Variants in JAK2 observed in about 807,000 individuals in gnomAD.
JAK2 encodes the protein Janus kinase 2.
Under a neutral mutation model 139.3 loss-of-function variants are expected in JAK2, and 86 were observed. The ratio of observed to expected loss-of-function variants is 0.62; its 90% CI spans 0.52 to 0.74. The LOEUF (loss-of-function observed/expected upper bound fraction) is 0.74, where lower values mean the gene tolerates loss of function less well. JAK2 is among the 30% of genes least tolerant of loss of function. The pLI is 0.00. For synonymous variants in JAK2, 490 were observed against 437.7 expected (o/e 1.12, Z -1.49); for missense variants, 1,421 against 1,360.3 (o/e 1.04, Z -0.70).
chr9:5,110,530 T>G (rs1248496914), intron 22 of JAK2: 1 of 156,714 alleles, frequency 6.4e-6, no homozygotes, highest in Non-Finnish European at 1.4e-5. Context: ...GAACAAGATA[T>G]TTGAAAAATA....
intron 4 of JAK2, among the ~76,000 whole-genome samples, chr9:5,042,994 G>A (rs913503615): frequency 6.6e-6 from 1 of 152,218 alleles, no homozygotes; most frequent in African/African-American, 2.4e-5. Flanking sequence ...GAGGGGGGTG[G>A]GCCGGCTGGC....
chr9:5,007,079 G>A (rs1460472341), intron 2 of JAK2, among the ~76,000 whole-genome samples: 1 of 151,894 alleles, frequency 6.6e-6, no homozygotes, highest in East Asian at 1.9e-4. Flanking sequence ...AAAAGCCAAC[G>A]TTTTACTTTG....
rs75164228 is a variant in JAK2 at position 5,053,817 on chromosome 9, G to T, written c.615-746G>T. 6.5e-3 allele frequency among the ~76,000 whole-genome samples: 990 copies of T among 152,054 alleles called. 7 individuals are homozygous for T. Among genetic ancestry groups the T allele is most frequent in the African/African-American group, 0.022 (908 of 41,520 alleles). On this transcript the variant is annotated intron_variant, in intron 6 of 24. Coordinates refer to ENST00000381652, the MANE Select transcript of JAK2 (RefSeq NM_004972.4). ...ATGCCACAGAATGAGGTCCAGAAAG[G>T]CTTCCTGGATTAGATGGTACTTGAG...
chr9:5,003,074 C>T (rs993476929), intron 2 of JAK2, among the ~76,000 whole-genome samples: 1 of 151,950 alleles, frequency 6.6e-6, no homozygotes, highest in African/African-American at 2.4e-5. Context: ...GGACTCTATT[C>T]TGTTCCATTT....
intron 5 of JAK2, 31 bp from the exon 6 acceptor site, chr9:5,050,655 T>C: frequency 6.3e-7 from 1 of 1,589,148 alleles, no homozygotes; most frequent in Non-Finnish European, 8.6e-7. Context: ...AAACTTACGA[T>C]GAGATATTTC....
chr9:4,989,301 T>C (rs559329644), intron 2 of JAK2, among the ~76,000 whole-genome samples: 11 of 152,354 alleles, frequency 7.2e-5, no homozygotes, highest in South Asian at 2.1e-4. Flanking sequence ...CTCTTTTTTT[T>C]CCTCTATTTC....
Position 5,044,449 on chromosome 9 carries a change from C to T in JAK2, c.397C>T (p.Arg133Trp), listed in dbSNP as rs371826393. Residue 133 changes from arginine to tryptophan, a missense_variant, in exon 5 of 25, where the codon CGG becomes TGG. Physicochemically the swap from Arg to Trp is moderately radical, Grantham distance 101. Coordinates refer to ENST00000381652, the MANE Select transcript of JAK2 (RefSeq NM_004972.4). ...WYCSGSNRAY[R>W]HGISRGAEAP... ...TTGCAGTGGCAGCAACAGAGCCTAT[C>T]GGCATGGAATATCTCGAGGTGCTGA... is the stretch of plus-strand genomic sequence containing the variant. 10 of 1,613,072 alleles carry T rather than the reference C, an allele frequency of 6.2e-6. No homozygotes were observed. The highest frequency in any genetic ancestry group is 7.6e-6 in the Non-Finnish European group (9 of 1,179,486).
chr9:5,129,624 G>A lies in JAK2; in HGVS notation c.*2833G>A, dbSNP rs889358809. On this transcript the variant is annotated 3_prime_UTR_variant, in exon 25 of 25. Transcript: ENST00000381652. ...AGACTAGGTTTTATGAGATAAGCTT[G>A]ATTTAAGAAAAAAACAATTAAAGTA... is the stretch of plus-strand genomic sequence containing the variant. Among the ~76,000 whole-genome samples, 2 of 152,052 alleles carry A rather than the reference G, an allele frequency of 1.3e-5. No homozygotes were observed. The highest frequency in any genetic ancestry group is 2.4e-5 in the African/African-American group (1 of 41,430).
chr9:5,046,437 T>C (rs766240121), intron 5 of JAK2, among the ~76,000 whole-genome samples: 2 of 152,214 alleles, frequency 1.3e-5, no homozygotes, highest in Non-Finnish European at 2.9e-5. Context: ...TATTTTTTGT[T>C]TCCTATGTTT....
rs569601436 is a variant in JAK2, at chr9:5,002,526, G to T, written c.-26+16504G>T. On this transcript the variant is annotated intron_variant, in intron 2 of 24. Transcript: ENST00000381652. ...ATTAATTCAGTCTTTTCAAATGTTT[G>T]AGAATTGGTTTATGGACCAACCTAT... Among the ~76,000 whole-genome samples, 9 of 152,068 alleles carry T rather than the reference G, an allele frequency of 5.9e-5. No individual in the cohort carries two copies. The South Asian group carries it at 1.9e-3, about 32-fold the overall frequency.
intron 22 of JAK2, among the ~76,000 whole-genome samples, chr9:5,102,321 C>T (rs1442101225): frequency 8.6e-5 from 13 of 151,946 alleles, no homozygotes; most frequent in Middle Eastern, 3.4e-3. Context: ...TGAAATAAAG[C>T]GAGAGGAGAA....
chr9:5,117,136 G>A (rs1255876074), intron 22 of JAK2, among the ~76,000 whole-genome samples: 5 of 152,228 alleles, frequency 3.3e-5, no homozygotes, highest in Non-Finnish European at 7.3e-5. Context: ...GCAGAGAGCA[G>A]CCCTCACCAC....
intron 4 of JAK2, among the ~76,000 whole-genome samples, chr9:5,040,476 T>A (rs1816401330): frequency 6.6e-6 from 1 of 152,218 alleles, no homozygotes; most frequent in Non-Finnish European, 1.5e-5. Flanking sequence ...GTTAAAAACA[T>A]CTGTGTGTCA....
chr9:5,047,579 C>T (rs1266702118), intron 5 of JAK2, among the ~76,000 whole-genome samples: 1 of 152,134 alleles, frequency 6.6e-6, no homozygotes, highest in Non-Finnish European at 1.5e-5. Flanking sequence ...TTTTATTTCC[C>T]TGGCTAATGA....
At chr9:5,012,488 C>G (rs1243231792) in intron 2 of JAK2, among the ~76,000 whole-genome samples, 1 of 152,070 alleles carries the variant, frequency 6.6e-6, no homozygotes, top group Non-Finnish European at 1.5e-5. Context: ...TGTTATTTAT[C>G]ATTTCCTTGG....
chr9:5,032,268 A>G (rs1823216566), intron 4 of JAK2, among the ~76,000 whole-genome samples: 1 of 152,240 alleles, frequency 6.6e-6, no homozygotes, highest in African/African-American at 2.4e-5. Flanking sequence ...AACTGGGTGG[A>G]GCCCACCACA....
intron 2 of JAK2, among the ~76,000 whole-genome samples, chr9:4,994,749 T>C (rs1382691345): frequency 6.6e-6 from 1 of 152,196 alleles, no homozygotes; most frequent in African/African-American, 2.4e-5. Flanking sequence ...CAATTCCCAA[T>C]TTAAATCATT....
At chr9:5,106,239 A>C (rs1255169586) in intron 22 of JAK2, among the ~76,000 whole-genome samples, 1 of 152,234 alleles carries the variant, frequency 6.6e-6, no homozygotes. Flanking sequence ...TGGGCAAAGG[A>C]TATGAACAGA....
intron 22 of JAK2, chr9:5,099,971 C>T (rs1170705341): frequency 6.6e-6 from 1 of 152,174 alleles, no homozygotes. Context: ...CCACTTATCC[C>T]TATACTAGTA....
Sources: allele counts gnomAD v4.1 joint callset (sites outside exome capture counted in the v4.1 genomes callset), GRCh38; gene constraint gnomAD v4.1.1; transcripts MANE v1.5; gene names NCBI Gene and HGNC (gene_info 2026-07-23, HGNC 2026-07-21).